MBLAC1: variants seen among roughly 807,000 people sequenced by gnomAD.
The protein encoded by MBLAC1 is metallo-beta-lactamase domain containing 1, also known as metallo-beta-lactamase domain-containing protein 1.
MBLAC1 carries 1 observed loss-of-function variant against 1.5 expected under a neutral mutation model. The observed-to-expected ratio is 0.68, with a 90% CI of 0.24 to 3.21. The LOEUF (loss-of-function observed/expected upper bound fraction) is 3.21, where lower values mean the gene tolerates loss of function less well. Among genes scored for constraint, MBLAC1 ranks in the 30% most tolerant of loss-of-function variants. MBLAC1 has a pLI of 0.20. For missense variants in MBLAC1, 371 were observed against 384.7 expected, an observed-to-expected ratio of 0.96 and a Z score of 0.30; for synonymous variants, 197 against 191.3, an observed-to-expected ratio of 1.03 and a Z score of -0.25.
Position 100,127,181 on chromosome 7 carries a change from G to C in MBLAC1, c.-29+117G>C, listed in dbSNP as rs776401029. On this transcript the variant is annotated intron_variant, in intron 1 of 1. Transcript: ENST00000398075. The surrounding 1 kb of genome is among the most constrained non-coding windows in gnomAD (Gnocchi z 4.6). Reference sequence around the variant, plus strand: ...GGCGGGGGCCGAGGACGCCGAGGGAGGGGCGGGCCCAAGTGTGAAGGGAGT... The same window carrying C: ...GGCGGGGGCCGAGGACGCCGAGGGACGGGCGGGCCCAAGTGTGAAGGGAGT... 3 of 546,404 alleles carry C rather than the reference G, an allele frequency of 5.5e-6. No homozygotes were observed. Among genetic ancestry groups the C allele is most frequent in the Admixed American group, 3.5e-5 (1 of 28,176 alleles). 33.8% of individuals were successfully genotyped at this position (546,404 alleles called of 1,614,324 possible). A position where few individuals can be genotyped will look rare whatever the true frequency, so the allele number is the denominator to read the frequency against.
Position 100,127,556 on chromosome 7 carries a change from C to A in MBLAC1, c.161C>A (p.Pro54Gln). The A allele has an allele frequency of 6.9e-7, 1 of 1,449,356 alleles. No individual in the cohort carries two copies. The highest frequency in any genetic ancestry group is 2.7e-5 in the East Asian group (1 of 36,772). The allele number at this position is 1,449,356 out of a possible 1,614,324, so 89.8% of individuals were successfully genotyped here. Residue 54 changes from proline to glutamine, a missense_variant, in exon 2 of 2, where the codon CCG (proline) becomes CAG (glutamine). Pro to Gln is a moderately conservative substitution (Grantham distance 76). Transcript: ENST00000398075. The surrounding 1 kb of genome is among the most constrained non-coding windows in gnomAD (Gnocchi z 4.6). ...CTGGTCCTACCCCAGACCCGGGGCC[C>A]GGCCTCCAGCCACCGAGAGTCCCCG... ...VTLVLPQTRG[P>Q]ASSHRESPRG...
Position 100,127,939 on chromosome 7 carries a change from A to G in MBLAC1, c.544A>G (p.Thr182Ala). The G allele has an allele frequency of 6.3e-7, 1 of 1,596,934 alleles. No individual in the cohort carries two copies. The highest frequency in any genetic ancestry group is 1.1e-5 in the South Asian group (1 of 88,780). Residue 182 changes from threonine to alanine, a missense_variant, in exon 2 of 2, where the codon ACG becomes GCG. Physicochemically the swap from Thr to Ala is moderately conservative, Grantham distance 58 (BLOSUM62 0). Coordinates refer to ENST00000398075, the MANE Select transcript of MBLAC1 (RefSeq NM_203397.3). This position sits in a 1 kb window ranked among gnomAD's most constrained non-coding sequence, Gnocchi z 4.6. Reference sequence around the variant, plus strand: ...CGACGTGAGCGTGGTGGTGGCCGGCACGGCTCTGGGCACCGTGGTGGTGGC... The same window carrying G: ...CGACGTGAGCGTGGTGGTGGCCGGCGCGGCTCTGGGCACCGTGGTGGTGGC... Reference protein sequence around the residue: ...QRDVSVVVAGTALGTVVVAGD... With the variant: ...QRDVSVVVAGAALGTVVVAGD...
chr7:100,127,206 T>G lies in MBLAC1; in HGVS notation c.-29+142T>G. On this transcript the variant is annotated intron_variant, in intron 1 of 1. Coordinates refer to ENST00000398075, the MANE Select transcript of MBLAC1 (RefSeq NM_203397.3). The surrounding 1 kb of genome is among the most constrained non-coding windows in gnomAD (Gnocchi z 4.6). ...GGGGCGGGCCCAAGTGTGAAGGGAG[T>G]CTGGGCGATACCATTTTGGGCAGGG... The G allele has an allele frequency of 1.4e-5, 8 of 557,884 alleles. No homozygotes were observed. Among genetic ancestry groups the G allele is most frequent in the Admixed American group, 3.5e-5 (1 of 28,402 alleles). The allele number at this position is 557,884 out of a possible 1,614,324, so 34.6% of individuals were successfully genotyped here.
Position 100,127,053 on chromosome 7 carries a change from C to T in MBLAC1, c.-40C>T, listed in dbSNP as rs1584592933. On this transcript the variant is annotated 5_prime_UTR_variant, in exon 1 of 2. Coordinates refer to ENST00000398075, the MANE Select transcript of MBLAC1 (RefSeq NM_203397.3). The surrounding 1 kb of genome is among the most constrained non-coding windows in gnomAD (Gnocchi z 4.6). Reference sequence around the variant, plus strand: ...TTTCTTCGAGTGAGGCAAGACCTAGCAGAGGCCCAAGGTAGAGCGCGGCTA... The same window carrying T: ...TTTCTTCGAGTGAGGCAAGACCTAGTAGAGGCCCAAGGTAGAGCGCGGCTA... The T allele has an allele frequency of 3.5e-6, 1 of 288,616 alleles. No individual in the cohort carries two copies. Among genetic ancestry groups the T allele is most frequent in the Admixed American group, 5.1e-5 (1 of 19,522 alleles). 17.9% of individuals were successfully genotyped at this position (288,616 alleles called of 1,614,324 possible). A position where few individuals can be genotyped will look rare whatever the true frequency, so the allele number is the denominator to read the frequency against.
Position 100,127,662 on chromosome 7 carries a change from T to G in MBLAC1, c.267T>G (p.Ala89=). The G allele has an allele frequency of 7.1e-7, 1 of 1,410,960 alleles. No individual in the cohort carries two copies. The allele number at this position is 1,410,960 out of a possible 1,614,324, so 87.4% of individuals were successfully genotyped here. The part of the protein sequence containing the change: ...PILVDTGGPW[A]REALLGALAG... ...TGGTGGACACCGGGGGCCCCTGGGC[T>G]CGGGAGGCGCTGCTGGGGGCGCTGG... is the stretch of plus-strand genomic sequence containing the variant. The change falls in exon 2 of 2, where the codon GCT becomes GCG. Residue 89 remains alanine, a synonymous_variant. Coordinates refer to ENST00000398075, the MANE Select transcript of MBLAC1 (RefSeq NM_203397.3). The surrounding 1 kb of genome is among the most constrained non-coding windows in gnomAD (Gnocchi z 4.6).
rs763768283 is a variant in MBLAC1 at position 100,127,540 on chromosome 7, C to A, written c.145C>A (p.Pro49Thr). The A allele has an allele frequency of 1.6e-5, 24 of 1,507,894 alleles. No homozygotes were observed. The highest frequency in any genetic ancestry group is 2.0e-5 in the Non-Finnish European group (23 of 1,136,438). 93.4% of individuals were successfully genotyped at this position (1,507,894 alleles called of 1,614,324 possible). The part of the protein sequence containing the change: ...RADGSVTLVL[P>T]QTRGPASSHR... ...CGACGGCTCCGTGACCCTGGTCCTA[C>A]CCCAGACCCGGGGCCCGGCCTCCAG... Residue 49 changes from proline to threonine, a missense_variant, in exon 2 of 2, where the codon CCC (proline) becomes ACC (threonine). By Grantham distance (38) the Pro-to-Thr change is conservative (BLOSUM62 -1). Coordinates refer to ENST00000398075, the MANE Select transcript of MBLAC1 (RefSeq NM_203397.3). This position sits in a 1 kb window ranked among gnomAD's most constrained non-coding sequence, Gnocchi z 4.6.
rs1378852580 is a variant in MBLAC1, at chr7:100,128,214, T to C, written c.*18T>C. On this transcript the variant is annotated 3_prime_UTR_variant, in exon 2 of 2. Transcript: ENST00000398075. ...TGCACTAATCAGCCTCGAGAGGGAC[T>C]GCACTCTTGTCAGGGAAGCCCTAAC... 1 of 1,553,144 alleles carries C rather than the reference T, an allele frequency of 6.4e-7. No homozygotes were observed. The highest frequency in any genetic ancestry group is 8.7e-7 in the Non-Finnish European group (1 of 1,145,800).
At position 100,128,060 on chromosome 7, in the gene MBLAC1, T is replaced by A; in HGVS notation, c.665T>A (p.Val222Asp). ...GAGCGGAGCCGGAAGAGGGTCCTGG[T>A]CGTTGCCGACGTGGTCGTACCTGGT... ...AQERSRKRVLVVADVVVPGHG... is the reference protein window; with the variant it reads ...AQERSRKRVLDVADVVVPGHG... Residue 222 changes from valine to aspartate, a missense_variant, in exon 2 of 2, where the codon GTC becomes GAC. Transcript: ENST00000398075. 1 of 1,612,876 alleles carries A rather than the reference T, an allele frequency of 6.2e-7. No individual in the cohort carries two copies. The highest frequency in any genetic ancestry group is 8.5e-7 in the Non-Finnish European group (1 of 1,179,602).
Position 100,127,712 on chromosome 7 carries a change from A to T in MBLAC1, c.317A>T (p.Asp106Val). 1 of 1,453,444 alleles carries T rather than the reference A, an allele frequency of 6.9e-7. No individual in the cohort carries two copies. The highest frequency in any genetic ancestry group is 9.0e-7 in the Non-Finnish European group (1 of 1,105,050). 90.0% of individuals were successfully genotyped at this position (1,453,444 alleles called of 1,614,324 possible). A position where few individuals can be genotyped will look rare whatever the true frequency, so the allele number is the denominator to read the frequency against. The change falls in exon 2 of 2, where the codon GAC becomes GTC. Residue 106 changes from aspartate to valine, a missense_variant. Transcript: ENST00000398075. The surrounding 1 kb of genome is among the most constrained non-coding windows in gnomAD (Gnocchi z 4.6). ...GCGGGGCAGGGCGTGGCCCCGGGAGACGTGACGCTAGTGGTGGGGACCCAC... is the reference window on the plus strand; with the variant it reads ...GCGGGGCAGGGCGTGGCCCCGGGAGTCGTGACGCTAGTGGTGGGGACCCAC... ...ALAGQGVAPG[D>V]VTLVVGTHGH...
At position 100,128,264 on chromosome 7, in the gene MBLAC1, T is replaced by C; in HGVS notation, c.*68T>C. 1 of 1,438,730 alleles carries C rather than the reference T, an allele frequency of 7.0e-7. No homozygotes were observed. The highest frequency in any genetic ancestry group is 9.4e-7 in the Non-Finnish European group (1 of 1,067,510). The allele number at this position is 1,438,730 out of a possible 1,614,324, so 89.1% of individuals were successfully genotyped here. A position where few individuals can be genotyped will look rare whatever the true frequency, so the allele number is the denominator to read the frequency against. On this transcript the variant is annotated 3_prime_UTR_variant, in exon 2 of 2. Transcript: ENST00000398075. ...CAGCGAAGAGCTGCTGGAGACAGAG[T>C]CAGAGCAGTCAAGGGTGGGAGCTTC...
At position 100,127,707 on chromosome 7, in the gene MBLAC1, G is replaced by A. The variant is rs374694637; in HGVS notation, c.312G>A (p.Pro104=). 349 of 1,447,822 alleles carry A rather than the reference G, an allele frequency of 2.4e-4. 1 individual carries two copies. Among genetic ancestry groups the A allele is most frequent in the Non-Finnish European group, 3.0e-4 (331 of 1,102,570 alleles). The allele number at this position is 1,447,822 out of a possible 1,614,324, so 89.7% of individuals were successfully genotyped here. A position where few individuals can be genotyped will look rare whatever the true frequency, so the allele number is the denominator to read the frequency against. The change falls in exon 2 of 2, where the codon CCG becomes CCA. Residue 104 remains proline (P), a synonymous_variant. Coordinates refer to ENST00000398075, the MANE Select transcript of MBLAC1 (RefSeq NM_203397.3). The surrounding 1 kb of genome is among the most constrained non-coding windows in gnomAD (Gnocchi z 4.6). ...LGALAGQGVA[P]GDVTLVVGTH... ...CGCTGGCGGGGCAGGGCGTGGCCCCGGGAGACGTGACGCTAGTGGTGGGGA... is the reference window on the plus strand; with the variant it reads ...CGCTGGCGGGGCAGGGCGTGGCCCCAGGAGACGTGACGCTAGTGGTGGGGA...
At position 100,127,446 on chromosome 7, in the gene MBLAC1, C is replaced by T; in HGVS notation, c.51C>T (p.Asp17=). The change falls in exon 2 of 2, where the codon GAC becomes GAT. Residue 17 remains aspartate (D), a synonymous_variant. Transcript: ENST00000398075. This position sits in a 1 kb window ranked among gnomAD's most constrained non-coding sequence, Gnocchi z 4.6. ...CATCCCCTCTGCTGGTGCCCGGCGA[C>T]CCCTACTCTGTGGTGGTTCTGCTGC... ...CGASPLLVPG[D]PYSVVVLLQG... 6.3e-7 allele frequency: 1 copy of T among 1,594,478 alleles called. No homozygotes were observed. The highest frequency in any genetic ancestry group is 1.1e-5 in the South Asian group (1 of 90,072).
chr7:100,127,260 GC>G lies in MBLAC1; in HGVS notation c.-28-107del. 1.2e-6 allele frequency: 1 copy of G among 802,720 alleles called. No homozygotes were observed. Among genetic ancestry groups the G allele is most frequent in the Non-Finnish European group, 1.9e-6 (1 of 527,938 alleles). 49.7% of individuals were successfully genotyped at this position (802,720 alleles called of 1,614,324 possible). On this transcript the variant is annotated intron_variant, in intron 1 of 1. Coordinates refer to ENST00000398075, the MANE Select transcript of MBLAC1 (RefSeq NM_203397.3). The surrounding 1 kb of genome is among the most constrained non-coding windows in gnomAD (Gnocchi z 4.6). ...GAGGGTGATACCAACTTAATGGGAG[GC>G]GGGTGGCAGAGAACCGAGGCTTAGG...
rs761334687 is a variant in MBLAC1 at position 100,127,543 on chromosome 7, C to G, written c.148C>G (p.Gln50Glu). The G allele has an allele frequency of 1.3e-6, 2 of 1,502,876 alleles. No individual in the cohort carries two copies. The highest frequency in any genetic ancestry group is 1.8e-6 in the Non-Finnish European group (2 of 1,134,054). The allele number at this position is 1,502,876 out of a possible 1,614,324, so 93.1% of individuals were successfully genotyped here. A position where few individuals can be genotyped will look rare whatever the true frequency, so the allele number is the denominator to read the frequency against. Residue 50 changes from glutamine (Q) to glutamate (E), a missense_variant, in exon 2 of 2, where the codon CAG becomes GAG. Gln to Glu is a conservative substitution (Grantham distance 29). Transcript: ENST00000398075. This position sits in a 1 kb window ranked among gnomAD's most constrained non-coding sequence, Gnocchi z 4.6. ...CGGCTCCGTGACCCTGGTCCTACCCCAGACCCGGGGCCCGGCCTCCAGCCA... is the reference window on the plus strand; with the variant it reads ...CGGCTCCGTGACCCTGGTCCTACCCGAGACCCGGGGCCCGGCCTCCAGCCA... ...ADGSVTLVLPQTRGPASSHRE... is the reference protein window; with the variant it reads ...ADGSVTLVLPETRGPASSHRE...
chr7:100,127,570 C>G lies in MBLAC1; in HGVS notation c.175C>G (p.Arg59Gly). Residue 59 changes from arginine to glycine, a missense_variant, in exon 2 of 2, where the codon CGA becomes GGA. Physicochemically the swap from Arg to Gly is moderately radical, Grantham distance 125 (BLOSUM62 -2). Coordinates refer to ENST00000398075, the MANE Select transcript of MBLAC1 (RefSeq NM_203397.3). The surrounding 1 kb of genome is among the most constrained non-coding windows in gnomAD (Gnocchi z 4.6). ...PQTRGPASSH[R>G]ESPRGSGGAE... Reference sequence around the variant, plus strand: ...GACCCGGGGCCCGGCCTCCAGCCACCGAGAGTCCCCGCGCGGGAGTGGCGG... The same window carrying G: ...GACCCGGGGCCCGGCCTCCAGCCACGGAGAGTCCCCGCGCGGGAGTGGCGG... 1 of 1,436,054 alleles carries G rather than the reference C, an allele frequency of 7.0e-7. No homozygotes were observed. Among genetic ancestry groups the G allele is most frequent in the Non-Finnish European group, 9.1e-7 (1 of 1,104,020 alleles). 89.0% of individuals were successfully genotyped at this position (1,436,054 alleles called of 1,614,324 possible). A position where few individuals can be genotyped will look rare whatever the true frequency, so the allele number is the denominator to read the frequency against.
Position 100,127,287 on chromosome 7 carries a change from GGCAGTGGC to G in MBLAC1, c.-28-79_-28-72del. The G allele has an allele frequency of 1.9e-6, 2 of 1,069,292 alleles. No homozygotes were observed. The highest frequency in any genetic ancestry group is 2.6e-6 in the Non-Finnish European group (2 of 761,070). The allele number at this position is 1,069,292 out of a possible 1,614,324, so 66.2% of individuals were successfully genotyped here. On this transcript the variant is annotated intron_variant, in intron 1 of 1. Coordinates refer to ENST00000398075, the MANE Select transcript of MBLAC1 (RefSeq NM_203397.3). This position sits in a 1 kb window ranked among gnomAD's most constrained non-coding sequence, Gnocchi z 4.6. ...GGGTGGCAGAGAACCGAGGCTTAGG[GGCAGTGGC>G]GGGGCCGAGCGCGGGTGGGGGATCG...
Position 100,128,076 on chromosome 7 carries a change from C to T in MBLAC1, c.681C>T (p.Val227=), listed in dbSNP as rs775230745. The part of the protein sequence containing the change: ...RKRVLVVADV[V]VPGHGPPFRV... ...GGGTCCTGGTCGTTGCCGACGTGGTCGTACCTGGTCACGGGCCCCCCTTTC... is the reference window on the plus strand; with the variant it reads ...GGGTCCTGGTCGTTGCCGACGTGGTTGTACCTGGTCACGGGCCCCCCTTTC... The change falls in exon 2 of 2, where the codon GTC becomes GTT. Residue 227 remains valine (V), a synonymous_variant. Coordinates refer to ENST00000398075, the MANE Select transcript of MBLAC1 (RefSeq NM_203397.3). The T allele has an allele frequency of 6.8e-6, 11 of 1,611,618 alleles. No homozygotes were observed. The highest frequency in any genetic ancestry group is 4.4e-5 in the South Asian group (4 of 90,558).
chr7:100,128,307 CAG>C lies in MBLAC1; in HGVS notation c.*112_*113del. ...GGAGCTTCCAGCCCTTCCAGGAGGC[CAG>C]TTTTCTAGTGAAGACAGAGTGCACC... On this transcript the variant is annotated 3_prime_UTR_variant, in exon 2 of 2. Coordinates refer to ENST00000398075, the MANE Select transcript of MBLAC1 (RefSeq NM_203397.3). The C allele has an allele frequency of 3.0e-6, 3 of 1,000,882 alleles. No homozygotes were observed. Among genetic ancestry groups the C allele is most frequent in the South Asian group, 3.4e-5 (2 of 59,044 alleles). The allele number at this position is 1,000,882 out of a possible 1,614,324, so 62.0% of individuals were successfully genotyped here.
In MBLAC1 at chr7:100,127,826, A is replaced by ACCTG. The variant is rs1357311229; in HGVS notation, c.434_437dup (p.His147AlafsTer6). On this transcript the variant is annotated frameshift_variant, in exon 2 of 2. Transcript: ENST00000398075. LOFTEE classifies it low-confidence loss of function (END_TRUNC). The surrounding 1 kb of genome is among the most constrained non-coding windows in gnomAD (Gnocchi z 4.6). ...GACTTCTGCCTTCCCGGAGGCCGCT[A>ACCTG]CCTGCCCCACGGGCTGGGTGAGGGG... 1.3e-6 allele frequency: 2 copies of ACCTG among 1,566,678 alleles called. No homozygotes were observed. Among genetic ancestry groups the ACCTG allele is most frequent in the Non-Finnish European group, 1.7e-6 (2 of 1,155,250 alleles).
Sources: gnomAD v4.1 joint callset for allele counts on GRCh38, gnomAD v4.1.1 for gene constraint, Gnocchi (gnomAD v3.1) non-coding constraint, MANE v1.5 for transcripts, NCBI Gene and HGNC (gene_info 2026-07-23, HGNC 2026-07-21) for gene names.